MIA2: variants seen among roughly 807,000 people sequenced by gnomAD.
MIA2 encodes MIA SH3 domain ER export factor 2.
MIA2 carries 127 observed loss-of-function variants against 167.8 expected under a neutral mutation model. The observed-to-expected ratio is 0.76, with a 90% CI of 0.66 to 0.88. The LOEUF (loss-of-function observed/expected upper bound fraction) is 0.88, where lower values mean the gene tolerates loss of function less well. Among genes scored for constraint, MIA2 ranks in the 40% least tolerant of loss-of-function variants. The pLI is 0.00. For missense variants in MIA2, 1,690 were observed against 1,624.7 expected, an observed-to-expected ratio of 1.04 and a Z score of -0.69; for synonymous variants, 552 against 541.9, an observed-to-expected ratio of 1.02 and a Z score of -0.26.
chr14:39,326,069 C>G (rs1302654271), intron 24 of MIA2, among the ~76,000 whole-genome samples: 1 of 152,170 alleles, frequency 6.6e-6, no homozygotes, highest in Non-Finnish European at 1.5e-5. Context: ...AAGAAGGGAA[C>G]TTTAAAATTA....
At position 39,247,263 on chromosome 14, in the gene MIA2, G is replaced by C. The variant is rs2054356430; in HGVS notation, c.689G>C (p.Gly230Ala). The C allele has an allele frequency of 6.2e-7, 1 of 1,613,920 alleles. No individual in the cohort carries two copies. Among genetic ancestry groups the C allele is most frequent in the African/African-American group, 1.3e-5 (1 of 74,926 alleles). ...GGAGTCAAAGAATGGTTTGGATTGG[G>C]AGGAGAACAAGCTGAAGAGAAGGCT... ...VSGVKEWFGL[G>A]GEQAEEKAFE... The change falls in exon 4 of 29, where the codon GGA becomes GCA. Residue 230 changes from glycine (G) to alanine (A), a missense_variant. By Grantham distance (60) the Gly-to-Ala change is moderately conservative. Transcript: ENST00000640607.
intron 6 of MIA2, among the ~76,000 whole-genome samples, chr14:39,273,695 T>C (rs141086256): frequency 1.2e-3 from 187 of 152,334 alleles, no homozygotes; most frequent in African/African-American, 4.1e-3. Flanking sequence ...TTGGTCATGG[T>C]ACATAATCCT....
chr14:39,256,416 T>C (rs982204642), intron 6 of MIA2, among the ~76,000 whole-genome samples: 15 of 152,204 alleles, frequency 9.9e-5, no homozygotes, highest in Admixed American at 9.2e-4. Flanking sequence ...TTTTAGGTAA[T>C]TCTTCCAATT....
At chr14:39,259,633 C>A (rs1456325957) in intron 6 of MIA2, among the ~76,000 whole-genome samples, 6 of 150,992 alleles carry the variant, frequency 4.0e-5, no homozygotes, top group African/African-American at 1.5e-4. Flanking sequence ...TGGGCTGAAG[C>A]AATCTTCCCA....
chr14:39,367,274 G>A (rs968226470), intron 23 of MIA2, among the ~76,000 whole-genome samples: 1 of 152,184 alleles, frequency 6.6e-6, no homozygotes, highest in African/African-American at 2.4e-5. Context: ...TGCCACTGCA[G>A]TCATTCTGGT....
At chr14:39,248,624 A>G (rs2054415220) in intron 4 of MIA2, among the ~76,000 whole-genome samples, 1 of 152,100 alleles carries the variant, frequency 6.6e-6, no homozygotes, top group Non-Finnish European at 1.5e-5. Context: ...GATAATGTCT[A>G]TTGATTTCCT....
intron 9 of MIA2, among the ~76,000 whole-genome samples, chr14:39,288,083 C>G (rs2060058147): frequency 6.6e-6 from 1 of 152,050 alleles, no homozygotes; most frequent in South Asian, 2.1e-4. Context: ...CTCGGACTTC[C>G]CAAAGTGTTG....
At chr14:39,237,081 A>T (rs753007323) in intron 2 of MIA2, 26 bp downstream of exon 2, 2 of 1,607,900 alleles carry the variant, frequency 1.2e-6, no homozygotes, top group Non-Finnish European at 1.7e-6. Flanking sequence ...TAAAAATTGA[A>T]TGCAGAATAA....
chr14:39,258,404 G>A (rs567342134), intron 6 of MIA2, among the ~76,000 whole-genome samples: 2 of 152,174 alleles, frequency 1.3e-5, no homozygotes, highest in African/African-American at 2.4e-5. Flanking sequence ...TATGCTTCAC[G>A]AAGTTCTTAT....
intron 9 of MIA2, among the ~76,000 whole-genome samples, chr14:39,285,998 C>G (rs375705670): frequency 3.2e-4 from 49 of 151,094 alleles, no homozygotes; most frequent in Admixed American, 7.2e-4. Context: ...ACATCCTAGA[C>G]GATGGGCGGC....
chr14:39,311,562 C>G (rs972884649), intron 18 of MIA2, among the ~76,000 whole-genome samples: 1 of 150,030 alleles, frequency 6.7e-6, no homozygotes, highest in Non-Finnish European at 1.5e-5. Flanking sequence ...ACCACAAGCT[C>G]CGCCTCCCGG....
In MIA2 at chr14:39,247,536, G is replaced by A. The variant is rs778359658; in HGVS notation, c.962G>A (p.Gly321Glu). 8.1e-6 allele frequency: 13 copies of A among 1,613,904 alleles called. No homozygotes were observed. The highest frequency in any genetic ancestry group is 1.3e-5 in the African/African-American group (1 of 74,890). The change falls in exon 4 of 29, where the codon GGA (glycine) becomes GAA (glutamate). Residue 321 changes from glycine (G) to glutamate (E), a missense_variant. Coordinates refer to ENST00000640607, the MANE Select transcript of MIA2 (RefSeq NM_001329214.4). ...GGGFTSYLGF[G>E]DEDTGLELIA... ...GGATTTACAAGTTATTTAGGTTTTG[G>A]AGATGAGGATACAGGGCTTGAATTA...
chr14:39,368,804 G>A (rs1266714360), intron 23 of MIA2, among the ~76,000 whole-genome samples: 1 of 148,792 alleles, frequency 6.7e-6, no homozygotes, highest in African/African-American at 2.5e-5. Context: ...TTCAGTAAAC[G>A]TACGTTTAAT....
At chr14:39,252,999 C>A in intron 5 of MIA2, 33 bp downstream of exon 5, 1 of 1,560,028 alleles carries the variant, frequency 6.4e-7, no homozygotes, top group Non-Finnish European at 8.7e-7. Context: ...TCTAATGCAT[C>A]AATTAAGGAA....
intron 23 of MIA2, chr14:39,385,778 T>G (rs969902567): frequency 1.1e-6 from 1 of 870,292 alleles, no homozygotes; most frequent in Non-Finnish European, 2.0e-6. Flanking sequence ...ACCAGGTCAT[T>G]TAATTGCTGT....
At chr14:39,237,886 T>G (rs2053831336) in intron 2 of MIA2, among the ~76,000 whole-genome samples, 1 of 152,040 alleles carries the variant, frequency 6.6e-6, no homozygotes. Context: ...ATTACAGGCG[T>G]GTGCCACCAT....
chr14:39,308,566 A>G lies in MIA2; in HGVS notation c.2996A>G (p.Glu999Gly). The change falls in exon 18 of 29, where the codon GAA (glutamate) becomes GGA (glycine). Residue 999 changes from glutamate to glycine, a missense_variant. Glu to Gly is a moderately conservative substitution (Grantham distance 98). Coordinates refer to ENST00000640607, the MANE Select transcript of MIA2 (RefSeq NM_001329214.4). ...AAAGTAATGACTGAATTATATCAAG[A>G]AAATGAAATGAAACTCCACAGGTAA... ...KLKVMTELYQ[E>G]NEMKLHRKLT... 6.4e-7 allele frequency: 1 copy of G among 1,561,046 alleles called. No individual in the cohort carries two copies. The highest frequency in any genetic ancestry group is 8.7e-7 in the Non-Finnish European group (1 of 1,153,100).
chr14:39,349,039 T>G, intron 28 of MIA2, 62 bp downstream of exon 28: 2 of 1,545,998 alleles, frequency 1.3e-6, no homozygotes, highest in Non-Finnish European at 1.8e-6. Flanking sequence ...GGAGATTTAA[T>G]TTTACTATCT....
chr14:39,362,811 G>T (rs1318261943), intron 23 of MIA2, among the ~76,000 whole-genome samples: 1 of 152,066 alleles, frequency 6.6e-6, no homozygotes, highest in Non-Finnish European at 1.5e-5. Context: ...ATAGATGTCT[G>T]TTGCTATAAA....
Sources: gnomAD v4.1 joint callset for allele counts (sites outside exome capture counted in the v4.1 genomes callset) on GRCh38, gnomAD v4.1.1 for gene constraint, MANE v1.5 for transcripts, NCBI Gene and HGNC (gene_info 2026-07-23, HGNC 2026-07-21) for gene names.